HPSE2: variants seen among roughly 807,000 people sequenced by gnomAD.
The protein encoded by HPSE2 is heparanase 2 (inactive).
In HPSE2, 38 loss-of-function variants were observed where a neutral mutation model predicts 60.5. That is an observed-to-expected ratio of 0.63 (90% CI 0.48 to 0.82). The LOEUF is 0.82. Ranked by LOEUF, HPSE2 falls within the 40% of genes least tolerant of loss-of-function variation. The pLI is 0.00. For synonymous variants in HPSE2, 295 were observed against 293.2 expected (o/e 1.01, Z -0.06); for missense variants, 713 against 740.4 (o/e 0.96, Z 0.43).
chr10:99,111,252 C>G (rs1391802788), intron 3 of HPSE2, among the ~76,000 whole-genome samples: 1 of 152,148 alleles, frequency 6.6e-6, no homozygotes, highest in East Asian at 1.9e-4. Flanking sequence ...CTTGTCAGCC[C>G]TCTGACTTTG....
chr10:98,538,121 T>C (rs1943345571), intron 9 of HPSE2, among the ~76,000 whole-genome samples: 2 of 152,320 alleles, frequency 1.3e-5, no homozygotes, highest in Admixed American at 6.5e-5. Context: ...CCTTGTCTTG[T>C]ATGCAATAAA....
At position 98,788,488 on chromosome 10, in the gene HPSE2, C is replaced by G. The variant is rs1001887101; in HGVS notation, c.611-44432G>C. Among the ~76,000 whole-genome samples the G allele has an allele frequency of 2.5e-4, 35 of 142,068 alleles. No homozygotes were observed. The South Asian group carries it at 3.3e-3, about 13-fold the overall frequency. The allele number at this position is 142,068 out of a possible 152,430, so 93.2% of individuals were successfully genotyped here. On this transcript the variant is annotated intron_variant, in intron 3 of 11. Coordinates refer to ENST00000370552, the MANE Select transcript of HPSE2 (RefSeq NM_021828.5). ...TGGGCTCCACCCAGTTCGAGCTTCC[C>G]GGCTGCTTTGTTTACGTAAGCAAGC...
chr10:98,900,876 A>G (rs948354154), intron 3 of HPSE2, among the ~76,000 whole-genome samples: 12 of 152,220 alleles, frequency 7.9e-5, no homozygotes, highest in African/African-American at 2.4e-4. Flanking sequence ...AAACAAACAC[A>G]TATGTACATA....
At chr10:98,541,897 G>C (rs1807202642) in intron 9 of HPSE2, among the ~76,000 whole-genome samples, 1 of 152,222 alleles carries the variant, frequency 6.6e-6, no homozygotes. Context: ...GCAGGGCACA[G>C]ACAAACAAAA....
chr10:99,174,097 G>A (rs970725245), intron 2 of HPSE2, among the ~76,000 whole-genome samples: 11 of 151,900 alleles, frequency 7.2e-5, no homozygotes, highest in East Asian at 1.9e-4. Flanking sequence ...CAAAACTCTC[G>A]TTAGACAATG....
At chr10:98,746,216 T>TTTTTAGTTCCAAATACATTTAATTATTAA (rs1949625518) in intron 3 of HPSE2, among the ~76,000 whole-genome samples, 1 of 152,226 alleles carries the variant, frequency 6.6e-6, no homozygotes. Context: ...TTAATTATTA[T>TTTTTAGTTCCAAATACATTTAATTATTAA]TTTTAGTTCC....
intron 3 of HPSE2, among the ~76,000 whole-genome samples, chr10:99,143,782 T>C (rs189460373): frequency 6.6e-6 from 1 of 152,290 alleles, no homozygotes; most frequent in East Asian, 1.9e-4. Flanking sequence ...TCTTTGCTCT[T>C]AAGAAGAAAA....
chr10:98,989,151 T>A (rs1174003765), intron 3 of HPSE2, among the ~76,000 whole-genome samples: 1 of 152,176 alleles, frequency 6.6e-6, no homozygotes, highest in Non-Finnish European at 1.5e-5. Context: ...ACTGGGTATA[T>A]ATCCAAAGGA....
At chr10:99,256,393 A>ACCTGTGGGTGTTTCTC in the HPSE2 span, among the ~76,000 whole-genome samples, 1 of 1,598 alleles carries the variant, frequency 6.3e-4, no homozygotes, top group Non-Finnish European at 1.7e-3. Flanking sequence ...CACCCCTACA[A>ACCTGTGGGTGTTTCTC]GATGACTCAC....
intron 5 of HPSE2, among the ~76,000 whole-genome samples, chr10:98,718,981 A>G (rs1948855965): frequency 6.6e-6 from 1 of 152,196 alleles, no homozygotes. Context: ...TGTCATAAAT[A>G]TGTACAACAA....
intron 5 of HPSE2, among the ~76,000 whole-genome samples, chr10:98,720,248 T>C (rs1948889487): frequency 1.3e-5 from 2 of 152,158 alleles, no homozygotes; most frequent in African/African-American, 4.8e-5. Context: ...GGCTTCCATG[T>C]CTGGGTCTCA....
the HPSE2 span, among the ~76,000 whole-genome samples, chr10:99,247,435 A>G: frequency 6.6e-6 from 1 of 152,250 alleles, no homozygotes; most frequent in Non-Finnish European, 1.5e-5. Flanking sequence ...CGCTACCGCA[A>G]AAACACACTT....
chr10:98,723,524 A>G (rs961948039), intron 4 of HPSE2, among the ~76,000 whole-genome samples: 7 of 152,206 alleles, frequency 4.6e-5, no homozygotes, highest in Middle Eastern at 6.8e-3. Context: ...GATTGGAATA[A>G]TTTCAGAAGG....
At chr10:99,283,794 C>G in the HPSE2 span, among the ~76,000 whole-genome samples, 1 of 152,036 alleles carries the variant, frequency 6.6e-6, no homozygotes, top group Non-Finnish European at 1.5e-5. Context: ...AACTCCTAAA[C>G]TAACTCAAGA....
chr10:98,760,101 G>A (rs34761150), intron 3 of HPSE2, among the ~76,000 whole-genome samples: 56,205 of 151,750 alleles, frequency 0.37, 12,084 homozygotes, highest in South Asian at 0.51. Context: ...ATATATATAA[G>A]CACTACTGAT....
At chr10:98,556,671 T>C (rs1944016988) in intron 9 of HPSE2, among the ~76,000 whole-genome samples, 1 of 152,102 alleles carries the variant, frequency 6.6e-6, no homozygotes. Flanking sequence ...GAACTCAAAA[T>C]AAATGAAGGG....
chr10:99,148,649 G>A (rs1269777103), intron 2 of HPSE2, among the ~76,000 whole-genome samples: 1 of 152,056 alleles, frequency 6.6e-6, no homozygotes, highest in African/African-American at 2.4e-5. Flanking sequence ...AATTAGCCAG[G>A]CATGGTGGCG....
chr10:99,069,180 A>T (rs371192143), intron 3 of HPSE2, among the ~76,000 whole-genome samples: 4 of 152,328 alleles, frequency 2.6e-5, no homozygotes, highest in African/African-American at 9.6e-5. Context: ...AGTAGAACTC[A>T]GCTGGTTCTC....
chr10:99,266,329 A>C, the HPSE2 span, among the ~76,000 whole-genome samples: 3 of 151,288 alleles, frequency 2.0e-5, no homozygotes, highest in African/African-American at 7.3e-5. Flanking sequence ...AATGAGACCA[A>C]CGTTTTGGGC....
Sources: gnomAD v4.1 joint callset for allele counts (sites outside exome capture counted in the v4.1 genomes callset) on GRCh38, gnomAD v4.1.1 for gene constraint, MANE v1.5 for transcripts, NCBI Gene and HGNC (gene_info 2026-07-23, HGNC 2026-07-21) for gene names.